ARHGAP24: variants seen among roughly 807,000 people sequenced by gnomAD.
ARHGAP24 encodes rho GTPase-activating protein 24.
A neutral mutation model predicts 76.4 loss-of-function variants in ARHGAP24; 50 were observed. The ratio of observed to expected loss-of-function variants is 0.65; its 90% CI spans 0.52 to 0.83. The LOEUF (loss-of-function observed/expected upper bound fraction) is 0.83. Among genes scored for constraint, ARHGAP24 ranks in the 40% least tolerant of loss-of-function variants. The pLI is 0.00. For missense variants in ARHGAP24, 930 were observed against 914.2 expected (o/e 1.02, Z -0.22); for synonymous variants, 345 against 323.3 (o/e 1.07, Z -0.72).
intron 3 of ARHGAP24, among the ~76,000 whole-genome samples, chr4:85,786,996 GTA>G (rs1727873647): frequency 6.6e-6 from 1 of 152,196 alleles, no homozygotes; most frequent in Non-Finnish European, 1.5e-5. Flanking sequence ...CAGCTGGACT[GTA>G]AGCTCTTTGA....
intron 1 of ARHGAP24, among the ~76,000 whole-genome samples, chr4:85,564,901 C>T (rs12651680): frequency 0.16 from 20,671 of 131,570 alleles, 3,072 homozygotes; most frequent in East Asian, 0.77. Context: ...TTGGGGACCC[C>T]TGCTCTAGGC....
At chr4:85,715,318 T>G (rs1724691555) in intron 2 of ARHGAP24, among the ~76,000 whole-genome samples, 1 of 152,068 alleles carries the variant, frequency 6.6e-6, no homozygotes, top group Non-Finnish European at 1.5e-5. Flanking sequence ...AGATATATAT[T>G]GAAACTTTAC....
chr4:85,775,620 C>T (rs1727283991), intron 3 of ARHGAP24, among the ~76,000 whole-genome samples: 1 of 152,108 alleles, frequency 6.6e-6, no homozygotes, highest in South Asian at 2.1e-4. Context: ...TCCCACAACA[C>T]CTGGGAATTA....
At chr4:85,997,652 T>G (rs934373238) in intron 9 of ARHGAP24, among the ~76,000 whole-genome samples, 7 of 102,690 alleles carry the variant, frequency 6.8e-5, no homozygotes, top group African/African-American at 2.5e-4. Context: ...CTTTTCTTAT[T>G]TTTTTTTATG....
At chr4:85,564,544 TA>T (rs75459697) in intron 1 of ARHGAP24, among the ~76,000 whole-genome samples, 3 of 146,932 alleles carry the variant, frequency 2.0e-5, no homozygotes, top group Non-Finnish European at 4.5e-5. Flanking sequence ...AGTATAATAA[TA>T]AAAAAAAATT....
At chr4:85,898,031 GTGTATATATATATA>G (rs1292857306) in intron 3 of ARHGAP24, among the ~76,000 whole-genome samples, 153 of 79,574 alleles carry the variant, frequency 1.9e-3, no homozygotes, top group Non-Finnish European at 3.6e-3. Context: ...ACACATATAT[GTGTATATATATATA>G]TATATATATA....
In ARHGAP24 at chr4:85,923,693, T is replaced by A. The variant is rs1735858742; in HGVS notation, c.314T>A (p.Leu105His). 6.2e-7 allele frequency: 1 copy of A among 1,613,808 alleles called. No homozygotes were observed. Among genetic ancestry groups the A allele is most frequent in the African/African-American group, 1.3e-5 (1 of 74,880 alleles). The change falls in exon 4 of 10, where the codon CTC becomes CAC. Residue 105 changes from leucine (L) to histidine (H), a missense_variant. Coordinates refer to ENST00000395184, the MANE Select transcript of ARHGAP24 (RefSeq NM_001025616.3). ...RMTANHESYL[L>H]MASTQNDMED... is the part of the protein sequence containing the mutation. ...ACAGCAAATCATGAAAGCTACCTCC[T>A]CATGGCAAGCACCCAGAATGATATG...
In ARHGAP24 at chr4:85,756,943, T is replaced by C. The variant is rs995760286; in HGVS notation, c.268+34971T>C. 5.9e-5 allele frequency among the ~76,000 whole-genome samples: 9 copies of C among 152,226 alleles called. 1 individual carries two copies. Among genetic ancestry groups the C allele is most frequent in the African/African-American group, 2.2e-4 (9 of 41,460 alleles). ...GAATAAATTTATCTCTGGGTATTTA[T>C]TGGAGCCCCGAGTAATCTTAACTGT... On this transcript the variant is annotated intron_variant, in intron 3 of 9. Coordinates refer to ENST00000395184, the MANE Select transcript of ARHGAP24 (RefSeq NM_001025616.3).
chr4:85,620,474 A>G (rs1384245991), intron 2 of ARHGAP24, among the ~76,000 whole-genome samples: 1 of 151,646 alleles, frequency 6.6e-6, no homozygotes, highest in Non-Finnish European at 1.5e-5. Context: ...GATCGTTTGT[A>G]GTTTTGTGGT....
chr4:85,547,983 T>C (rs1725984737), intron 1 of ARHGAP24, among the ~76,000 whole-genome samples: 1 of 152,226 alleles, frequency 6.6e-6, no homozygotes, highest in African/African-American at 2.4e-5. Context: ...CATTTATTTA[T>C]TTGTTTATTT....
chr4:85,707,501 A>G (rs1383232589), intron 2 of ARHGAP24, among the ~76,000 whole-genome samples: 1 of 152,240 alleles, frequency 6.6e-6, no homozygotes, highest in Non-Finnish European at 1.5e-5. Flanking sequence ...GGTTATAATA[A>G]TCATAAAATA....
At chr4:85,978,515 G>A (rs1431637024) in intron 8 of ARHGAP24, among the ~76,000 whole-genome samples, 1 of 152,000 alleles carries the variant, frequency 6.6e-6, no homozygotes, top group African/African-American at 2.4e-5. Flanking sequence ...AACACCAAGG[G>A]CAATATAAGT....
chr4:85,784,935 CTA>C (rs1727749209), intron 3 of ARHGAP24, among the ~76,000 whole-genome samples: 1 of 150,884 alleles, frequency 6.6e-6, no homozygotes. Context: ...ATCTATCTAT[CTA>C]TCTATCTATC....
chr4:85,962,790 G>A (rs1408289796), intron 5 of ARHGAP24, among the ~76,000 whole-genome samples: 1 of 151,206 alleles, frequency 6.6e-6, no homozygotes, highest in African/African-American at 2.4e-5. Context: ...AAAGTCTTAA[G>A]CAAACTAACT....
chr4:85,957,086 G>T (rs1184780580), intron 5 of ARHGAP24, among the ~76,000 whole-genome samples: 1 of 152,126 alleles, frequency 6.6e-6, no homozygotes, highest in Non-Finnish European at 1.5e-5. Context: ...TCAGGTGTGA[G>T]CTAAGTTGCA....
intron 1 of ARHGAP24, among the ~76,000 whole-genome samples, chr4:85,479,875 A>G (rs1283695889): frequency 6.6e-6 from 1 of 152,182 alleles, no homozygotes; most frequent in Admixed American, 6.5e-5. Flanking sequence ...GATAATACGT[A>G]TTTTGATCAA....
intron 3 of ARHGAP24, among the ~76,000 whole-genome samples, chr4:85,905,464 C>G (rs554611781): frequency 6.6e-6 from 1 of 152,252 alleles, no homozygotes; most frequent in Admixed American, 6.5e-5. Flanking sequence ...CTCACTTCCC[C>G]ATGTTTCTTC....
At chr4:85,712,909 C>G (rs1724580264) in intron 2 of ARHGAP24, among the ~76,000 whole-genome samples, 1 of 152,198 alleles carries the variant, frequency 6.6e-6, no homozygotes, top group Non-Finnish European at 1.5e-5. Context: ...GGGCTGTCTT[C>G]CACAGTCCTT....
intron 2 of ARHGAP24, among the ~76,000 whole-genome samples, chr4:85,619,481 T>G (rs1720645693): frequency 6.6e-6 from 1 of 151,858 alleles, no homozygotes; most frequent in Admixed American, 6.6e-5. Flanking sequence ...TTTTAGGACT[T>G]TTTTTCTATT....
Sources: allele counts gnomAD v4.1 joint callset (sites outside exome capture counted in the v4.1 genomes callset), GRCh38; gene constraint gnomAD v4.1.1; transcripts MANE v1.5; gene names NCBI Gene and HGNC (gene_info 2026-07-23, HGNC 2026-07-21).